The following CNTNAP5 variants were observed in gnomAD, a reference collection of about 807,000 sequenced individuals.
The protein encoded by CNTNAP5 is contactin associated protein family member 5.
Under a neutral mutation model 150.2 loss-of-function variants are expected in CNTNAP5, and 72 were observed. The observed-to-expected ratio is 0.48, with a 90% CI of 0.40 to 0.58. The LOEUF (loss-of-function observed/expected upper bound fraction) is 0.58. Ranked by LOEUF, CNTNAP5 falls within the 20% of genes least tolerant of loss-of-function variation. CNTNAP5 has a pLI of 0.00. For missense variants in CNTNAP5, 1,636 were observed against 1,626.2 expected (o/e 1.01, Z -0.10); for synonymous variants, 672 against 619.8 (o/e 1.08, Z -1.25).
intron 13 of CNTNAP5, among the ~76,000 whole-genome samples, chr2:124,722,083 C>CTTCA (rs1439481183): frequency 1.3e-5 from 2 of 151,942 alleles, no homozygotes; most frequent in Admixed American, 1.3e-4. Context: ...TTTAAAAGAC[C>CTTCA]TTATATCTTA....
chr2:124,487,664 A>G (rs1224274544), intron 7 of CNTNAP5, among the ~76,000 whole-genome samples: 6 of 151,950 alleles, frequency 3.9e-5, no homozygotes, highest in Non-Finnish European at 8.8e-5. Flanking sequence ...TTTCATGTGC[A>G]TGGGCACATA....
At chr2:124,188,716 C>CAA (rs70996047) in intron 1 of CNTNAP5, among the ~76,000 whole-genome samples, 1,532 of 72,724 alleles carry the variant, frequency 0.021, 98 homozygotes, top group East Asian at 0.039. Context: ...GACTCTGTCT[C>CAA]AAAAAAAAAA....
At chr2:124,354,008 T>C (rs1026625739) in intron 3 of CNTNAP5, among the ~76,000 whole-genome samples, 4 of 152,050 alleles carry the variant, frequency 2.6e-5, no homozygotes, top group African/African-American at 9.7e-5. Flanking sequence ...TGAGCAAAAA[T>C]AATGAACCAT....
intron 1 of CNTNAP5, among the ~76,000 whole-genome samples, chr2:124,124,667 G>C (rs929924002): frequency 1.1e-4 from 16 of 152,184 alleles, no homozygotes; most frequent in African/African-American, 3.9e-4. Context: ...CAGAGAGAAA[G>C]GTCGGGTTAC....
intron 1 of CNTNAP5, among the ~76,000 whole-genome samples, chr2:124,190,384 T>G (rs2104693605): frequency 6.6e-6 from 1 of 152,136 alleles, no homozygotes. Context: ...GAGGAGGAGA[T>G]GAGTGCGTGA....
chr2:124,735,428 C>CCTT (rs551347745), intron 13 of CNTNAP5, among the ~76,000 whole-genome samples: 2 of 146,948 alleles, frequency 1.4e-5, no homozygotes, highest in African/African-American at 5.0e-5. Flanking sequence ...TTCTACAAGA[C>CCTT]TTTTTTTTTT....
chr2:124,070,396 G>GGAAAAAAAAAAAAAAAAAAA (rs761771947), intron 1 of CNTNAP5, among the ~76,000 whole-genome samples: 1 of 72,960 alleles, frequency 1.4e-5, no homozygotes. Flanking sequence ...GCTGAATGGG[G>GGAAAAAAAAAAAAAAAAAAA]AAAAAAAAAA....
intron 1 of CNTNAP5, among the ~76,000 whole-genome samples, chr2:124,163,559 C>CA (rs1345463460): frequency 1.3e-5 from 2 of 151,968 alleles, no homozygotes; most frequent in Non-Finnish European, 2.9e-5. Flanking sequence ...AATTGAACAA[C>CA]AAAAAATGCT....
chr2:124,740,666 A>G (rs544200840), intron 13 of CNTNAP5, among the ~76,000 whole-genome samples: 17 of 152,310 alleles, frequency 1.1e-4, no homozygotes, highest in Admixed American at 2.0e-4. Flanking sequence ...CACGTGATTT[A>G]TACCTAATTT....
chr2:124,152,569 A>C (rs1008606483), intron 1 of CNTNAP5, among the ~76,000 whole-genome samples: 2 of 152,170 alleles, frequency 1.3e-5, no homozygotes, highest in Non-Finnish European at 2.9e-5. Flanking sequence ...TTCAGGGTTG[A>C]GATCAGTTAA....
At chr2:124,885,175 C>T (rs1455211505) in intron 21 of CNTNAP5, among the ~76,000 whole-genome samples, 1 of 151,890 alleles carries the variant, frequency 6.6e-6, no homozygotes, top group Non-Finnish European at 1.5e-5. Context: ...AGTTGCTGCC[C>T]CTAGGTGGAA....
Position 124,865,364 on chromosome 2 carries a change from T to C in CNTNAP5, c.3276T>C (p.Asp1092=), listed in dbSNP as rs1345061927. 1 of 1,561,594 alleles carries C rather than the reference T, an allele frequency of 6.4e-7. No homozygotes were observed. Among genetic ancestry groups the C allele is most frequent in the Admixed American group, 1.9e-5 (1 of 52,268 alleles). Residue 1092 remains aspartate, a synonymous_variant, in exon 20 of 24, where the codon GAT becomes GAC. Transcript: ENST00000682447. ...AAGAAACCCATGTATTCACCATTGA[T>C]GCAGATAACTTTGCTAACAGAAGGA... ...NKEETHVFTI[D]ADNFANRRMH...
rs1686941518 is a variant in CNTNAP5 at position 124,243,584 on chromosome 2, C to T, written c.381+1191C>T. Among the ~76,000 whole-genome samples the T allele has an allele frequency of 2.6e-5, 4 of 152,058 alleles. No homozygotes were observed. In the South Asian group the frequency reaches 8.3e-4, roughly 31 times the overall value. ...ATTTATAAAGGGCGTAAGTTTTCTT[C>T]ATTTTCAAAAATAGTCTAAACAGTG... On this transcript the variant is annotated intron_variant, in intron 3 of 23. Coordinates refer to ENST00000682447, the MANE Select transcript of CNTNAP5 (RefSeq NM_001367498.1).
chr2:124,521,168 T>A (rs1000866196), intron 8 of CNTNAP5, among the ~76,000 whole-genome samples: 8 of 152,242 alleles, frequency 5.3e-5, no homozygotes, highest in Middle Eastern at 3.4e-3. Flanking sequence ...CTTTGAACCT[T>A]CCAAGTCCTG....
chr2:124,252,705 G>A (rs1448708623), intron 3 of CNTNAP5, among the ~76,000 whole-genome samples: 1 of 152,120 alleles, frequency 6.6e-6, no homozygotes, highest in Non-Finnish European at 1.5e-5. Flanking sequence ...TCAATTTTGT[G>A]TAATGGAAAG....
intron 13 of CNTNAP5, among the ~76,000 whole-genome samples, chr2:124,690,130 A>G (rs1679271918): frequency 6.6e-6 from 1 of 152,078 alleles, no homozygotes; most frequent in South Asian, 2.1e-4. Context: ...CTTGGAGTGA[A>G]AAGTAAAAAA....
chr2:124,881,280 G>A (rs888697177), intron 21 of CNTNAP5, among the ~76,000 whole-genome samples: 11 of 152,088 alleles, frequency 7.2e-5, no homozygotes, highest in African/African-American at 2.4e-4. Flanking sequence ...GAAAGAGATA[G>A]CAATGGAACA....
chr2:124,323,976 G>A (rs971612576), intron 3 of CNTNAP5, among the ~76,000 whole-genome samples: 1 of 152,090 alleles, frequency 6.6e-6, no homozygotes, highest in African/African-American at 2.4e-5. Flanking sequence ...AAGTATTTGT[G>A]TTAGGTTCTG....
At chr2:124,162,423 C>T (rs1186077976) in intron 1 of CNTNAP5, among the ~76,000 whole-genome samples, 1 of 152,158 alleles carries the variant, frequency 6.6e-6, no homozygotes, top group African/African-American at 2.4e-5. Flanking sequence ...TCATGTGATG[C>T]CACACCAAGT....
Sources: gnomAD v4.1 joint callset for allele counts (sites outside exome capture counted in the v4.1 genomes callset) on GRCh38, gnomAD v4.1.1 for gene constraint, MANE v1.5 for transcripts, NCBI Gene and HGNC (gene_info 2026-07-23, HGNC 2026-07-21) for gene names.